Variants in ERC2 observed in about 807,000 individuals in gnomAD.
ERC2 encodes ERC protein 2.
A neutral mutation model predicts 114.8 loss-of-function variants in ERC2; 42 were observed. The ratio of observed to expected loss-of-function variants is 0.37; its 90% CI spans 0.29 to 0.47. The LOEUF is 0.47. ERC2 is among the 20% of genes least tolerant of loss of function. The pLI is 0.99. For missense variants in ERC2, 939 were observed against 1,150.7 expected, an observed-to-expected ratio of 0.82 and a Z score of 2.66; for synonymous variants, 454 against 425.5, an observed-to-expected ratio of 1.07 and a Z score of -0.82.
At chr3:56,051,695 G>T (rs1310731011) in intron 7 of ERC2, among the ~76,000 whole-genome samples, 1 of 152,096 alleles carries the variant, frequency 6.6e-6, no homozygotes, top group African/African-American at 2.4e-5. Context: ...GTATGGTGGT[G>T]TGTGCCTGTA....
intron 3 of ERC2, among the ~76,000 whole-genome samples, chr3:56,217,622 G>A (rs528630827): frequency 7.1e-4 from 108 of 152,214 alleles, no homozygotes; most frequent in Middle Eastern, 6.8e-3. Flanking sequence ...TTTCTTCACA[G>A]AATTGGAAAA....
At chr3:56,452,274 T>C (rs2062857138) in intron 1 of ERC2, among the ~76,000 whole-genome samples, 1 of 152,174 alleles carries the variant, frequency 6.6e-6, no homozygotes, top group Non-Finnish European at 1.5e-5. Context: ...GTAAGGATTG[T>C]CAAGTTCCTC....
chr3:56,205,886 C>T (rs1352730159), intron 3 of ERC2, among the ~76,000 whole-genome samples: 2 of 152,144 alleles, frequency 1.3e-5, no homozygotes, highest in African/African-American at 4.8e-5. Flanking sequence ...TAACCTTGAA[C>T]AAGGCTTAAA....
At chr3:55,584,249 C>A (rs2057477912) in intron 17 of ERC2, among the ~76,000 whole-genome samples, 1 of 152,208 alleles carries the variant, frequency 6.6e-6, no homozygotes, top group South Asian at 2.1e-4. Context: ...GGGCAAGGTA[C>A]TTTCCCTTGC....
At chr3:55,660,636 T>C (rs1452581114) in intron 17 of ERC2, among the ~76,000 whole-genome samples, 1 of 152,246 alleles carries the variant, frequency 6.6e-6, no homozygotes, top group Non-Finnish European at 1.5e-5. Flanking sequence ...AGCAGGAGTT[T>C]AAATATCAGC....
chr3:56,061,084 C>T (rs912628253), intron 7 of ERC2, among the ~76,000 whole-genome samples: 1 of 152,170 alleles, frequency 6.6e-6, no homozygotes, highest in East Asian at 1.9e-4. Flanking sequence ...CTACTGACAT[C>T]TCCTATATTC....
chr3:55,842,647 G>A (rs1251274358), intron 14 of ERC2, among the ~76,000 whole-genome samples: 1 of 151,316 alleles, frequency 6.6e-6, no homozygotes, highest in Non-Finnish European at 1.5e-5. Context: ...CTTTATCAAG[G>A]GTCTGTAGAC....
At chr3:56,326,796 C>T (rs2057381310) in intron 2 of ERC2, among the ~76,000 whole-genome samples, 1 of 152,178 alleles carries the variant, frequency 6.6e-6, no homozygotes, top group African/African-American at 2.4e-5. Flanking sequence ...GAGGCTGTGC[C>T]AGGCCATGGT....
At chr3:55,555,701 C>T (rs186435502) in intron 17 of ERC2, among the ~76,000 whole-genome samples, 44 of 152,258 alleles carry the variant, frequency 2.9e-4, no homozygotes, top group African/African-American at 9.4e-4. Flanking sequence ...TTTAGTGTGA[C>T]GGCAAGTGAA....
intron 13 of ERC2, among the ~76,000 whole-genome samples, chr3:55,918,712 A>G (rs1398330497): frequency 1.3e-5 from 2 of 151,670 alleles, no homozygotes; most frequent in Non-Finnish European, 2.9e-5. Context: ...ATAAGAAGCC[A>G]TATGGAGATC....
intron 2 of ERC2, among the ~76,000 whole-genome samples, chr3:56,360,698 A>G (rs1292031762): frequency 6.6e-6 from 1 of 152,188 alleles, no homozygotes; most frequent in African/African-American, 2.4e-5. Context: ...ATTTGAGGTC[A>G]GGAGTTCAAG....
intron 12 of ERC2, among the ~76,000 whole-genome samples, chr3:55,976,274 A>G (rs1161517323): frequency 6.6e-6 from 1 of 152,142 alleles, no homozygotes; most frequent in Non-Finnish European, 1.5e-5. Flanking sequence ...CTCACAGAGA[A>G]GAGTACGGAA....
At chr3:55,631,437 C>A (rs951533914) in intron 17 of ERC2, among the ~76,000 whole-genome samples, 2 of 152,126 alleles carry the variant, frequency 1.3e-5, no homozygotes, top group African/African-American at 4.8e-5. Flanking sequence ...GGTTGTGGAC[C>A]TTCCAGGAAG....
chr3:55,794,956 T>G (rs2070357416), intron 14 of ERC2, among the ~76,000 whole-genome samples: 1 of 152,208 alleles, frequency 6.6e-6, no homozygotes, highest in Non-Finnish European at 1.5e-5. Flanking sequence ...AATGTTTTCT[T>G]TTTTCTTAGG....
chr3:56,278,161 A>G (rs530901063), intron 3 of ERC2, among the ~76,000 whole-genome samples: 6 of 152,346 alleles, frequency 3.9e-5, no homozygotes, highest in Non-Finnish European at 8.8e-5. Flanking sequence ...GACAACAACA[A>G]CTATCTACTT....
intron 7 of ERC2, among the ~76,000 whole-genome samples, chr3:56,078,731 T>C (rs1291425866): frequency 6.6e-6 from 1 of 152,112 alleles, no homozygotes; most frequent in African/African-American, 2.4e-5. Flanking sequence ...ATCCATTCAT[T>C]CAACAAATAT....
chr3:55,583,387 T>TTCC (rs1559692058), intron 17 of ERC2, among the ~76,000 whole-genome samples: 33 of 127,764 alleles, frequency 2.6e-4, no homozygotes, highest in South Asian at 1.2e-3. Flanking sequence ...TCCTTCTTTC[T>TTCC]TTCCTTCCTT....
chr3:56,450,850 T>A (rs1171197251), intron 1 of ERC2, among the ~76,000 whole-genome samples: 2 of 151,942 alleles, frequency 1.3e-5, no homozygotes, highest in Non-Finnish European at 2.9e-5. Flanking sequence ...AAATAAATTT[T>A]AAAAATGGCA....
At chr3:56,234,368 T>C (rs2050809297) in intron 3 of ERC2, among the ~76,000 whole-genome samples, 1 of 152,218 alleles carries the variant, frequency 6.6e-6, no homozygotes, top group Non-Finnish European at 1.5e-5. Flanking sequence ...TTCCCTTCAG[T>C]GGGTTTTTTT....
Sources: gnomAD v4.1 joint callset for allele counts (sites outside exome capture counted in the v4.1 genomes callset) on GRCh38, gnomAD v4.1.1 for gene constraint, MANE v1.5 for transcripts, NCBI Gene and HGNC (gene_info 2026-07-23, HGNC 2026-07-21) for gene names.